The following PDE3A variants were observed in gnomAD, a reference collection of about 807,000 sequenced individuals.
PDE3A encodes the protein phosphodiesterase 3A.
In PDE3A, 43 loss-of-function variants were observed where a neutral mutation model predicts 98.3. The ratio of observed to expected loss-of-function variants is 0.44; its 90% CI spans 0.34 to 0.56. The LOEUF (loss-of-function observed/expected upper bound fraction) is 0.56. PDE3A is among the 20% of genes least tolerant of loss of function. The probability of loss-of-function intolerance (pLI) is 0.01; values close to 1 mark genes in which losing one functional copy is unlikely to be tolerated. For synonymous variants in PDE3A, 663 were observed against 567.9 expected, an observed-to-expected ratio of 1.17 and a Z score of -2.38; for missense variants, 1,427 against 1,440.7, an observed-to-expected ratio of 0.99 and a Z score of 0.15.
chr12:20,417,648 G>A (rs1292778123), intron 1 of PDE3A, among the ~76,000 whole-genome samples: 3 of 152,212 alleles, frequency 2.0e-5, no homozygotes, highest in African/African-American at 7.2e-5. Context: ...GGCAATTAAA[G>A]CCTTGTGATT....
At position 20,687,914 on chromosome 12, in the gene PDE3A, G is replaced by GAAAAAAAA. The variant is rs58496505; in HGVS notation, c.*7659_*7666dup. 2.1e-5 allele frequency among the ~76,000 whole-genome samples: 2 copies of GAAAAAAAA among 94,260 alleles called. No homozygotes were observed. Among genetic ancestry groups the GAAAAAAAA allele is most frequent in the South Asian group, 4.4e-4 (1 of 2,278 alleles). 61.8% of individuals were successfully genotyped at this position (94,260 alleles called of 152,430 possible). A position where few individuals can be genotyped will look rare whatever the true frequency, so the allele number is the denominator to read the frequency against. ...GACCAGTCATTACCTCTTCCCAACAGAAAAAAAAAAAAAAAAAAAAAAACT... is the reference window on the plus strand; with the variant it reads ...GACCAGTCATTACCTCTTCCCAACAGAAAAAAAAAAAAAAAAAAAAAAAAAAAAAAACT... On this transcript the variant is annotated 3_prime_UTR_variant, in exon 16 of 16. Coordinates refer to ENST00000359062, the MANE Select transcript of PDE3A (RefSeq NM_000921.5).
chr12:20,372,286 T>G (rs1167741793), intron 1 of PDE3A, among the ~76,000 whole-genome samples: 1 of 151,992 alleles, frequency 6.6e-6, no homozygotes, highest in Non-Finnish European at 1.5e-5. Flanking sequence ...TTGGTCACTA[T>G]TTTTTTTAAA....
chr12:20,552,380 A>G lies in PDE3A; in HGVS notation c.961-4280A>G. ...TGGCGCTACCTTCTGCGGAGGGACGATGATGAGCCCGGCCCTTGGACGAAG... is the reference window on the plus strand; with the variant it reads ...TGGCGCTACCTTCTGCGGAGGGACGGTGATGAGCCCGGCCCTTGGACGAAG... On this transcript the variant is annotated intron_variant, in intron 1 of 15. Coordinates refer to ENST00000359062, the MANE Select transcript of PDE3A (RefSeq NM_000921.5). The surrounding 1 kb of genome is among the most constrained non-coding windows in gnomAD (Gnocchi z 5.1). 1 of 1,613,588 alleles carries G rather than the reference A, an allele frequency of 6.2e-7. No homozygotes were observed. Among genetic ancestry groups the G allele is most frequent in the Non-Finnish European group, 8.5e-7 (1 of 1,179,854 alleles).
At chr12:20,639,995 T>C (rs773628294) in intron 10 of PDE3A, 38 bp downstream of exon 10, 1 of 962,242 alleles carries the variant, frequency 1.0e-6, no homozygotes, top group South Asian at 1.3e-5. Context: ...ACTTTTAAAA[T>C]ATGTCGAATT....
intron 1 of PDE3A, among the ~76,000 whole-genome samples, chr12:20,509,652 T>C (rs1474722890): frequency 6.6e-6 from 1 of 152,142 alleles, no homozygotes; most frequent in African/African-American, 2.4e-5. Context: ...TGTCTAGCTC[T>C]GAAATTATTG....
At chr12:20,557,000 A>C in intron 2 of PDE3A, 1 of 345,836 alleles carries the variant, frequency 2.9e-6, no homozygotes, top group East Asian at 6.3e-5. Context: ...TCAGCAACCC[A>C]CTCTCTTTAT....
chr12:20,619,430 G>A (rs770607552), intron 4 of PDE3A, among the ~76,000 whole-genome samples: 6 of 151,874 alleles, frequency 4.0e-5, no homozygotes, highest in Non-Finnish European at 4.4e-5. Context: ...TCTTTAAAAA[G>A]CCTACTTAGA....
At chr12:20,394,919 T>A (rs60848438) in intron 1 of PDE3A, among the ~76,000 whole-genome samples, 4,843 of 152,134 alleles carry the variant, frequency 0.032, 198 homozygotes, top group East Asian at 0.13. Flanking sequence ...GAAAGAATTA[T>A]CTGACTCAAA....
intron 1 of PDE3A, chr12:20,450,164 T>C (rs1945039609): frequency 2.8e-6 from 1 of 360,786 alleles, no homozygotes; most frequent in African/African-American, 2.1e-5. Flanking sequence ...CTTTATTTTG[T>C]TGAGCTTGAT....
intron 15 of PDE3A, among the ~76,000 whole-genome samples, chr12:20,661,343 C>A (rs1252817299): frequency 6.6e-6 from 1 of 152,142 alleles, no homozygotes; most frequent in Non-Finnish European, 1.5e-5. Context: ...TCTGGCAATG[C>A]AATAGAAAAG....
At chr12:20,401,464 CT>C (rs1944129321) in intron 1 of PDE3A, among the ~76,000 whole-genome samples, 1 of 152,234 alleles carries the variant, frequency 6.6e-6, no homozygotes, top group South Asian at 2.1e-4. Flanking sequence ...CTGCTACTGC[CT>C]TCATCACATC....
At chr12:20,406,499 G>A (rs1362758047) in intron 1 of PDE3A, among the ~76,000 whole-genome samples, 1 of 152,076 alleles carries the variant, frequency 6.6e-6, no homozygotes. Context: ...ACCTTTTCAT[G>A]TACTTGTTGG....
chr12:20,503,688 A>G (rs1432006428), intron 1 of PDE3A, among the ~76,000 whole-genome samples: 2 of 152,092 alleles, frequency 1.3e-5, no homozygotes, highest in African/African-American at 2.4e-5. Context: ...TTATTATGTC[A>G]TAACTACCTT....
At chr12:20,650,324 A>C in intron 13 of PDE3A, 121 bp from the exon 14 acceptor site, 2 of 512,848 alleles carry the variant, frequency 3.9e-6, no homozygotes, top group Non-Finnish European at 6.7e-6. Flanking sequence ...GAGGTTCCCA[A>C]TTATTTGGTA....
At chr12:20,501,856 A>C (rs1000243333) in intron 1 of PDE3A, among the ~76,000 whole-genome samples, 4 of 152,146 alleles carry the variant, frequency 2.6e-5, no homozygotes, top group African/African-American at 9.7e-5. Context: ...TTAAGCTGTC[A>C]TTATTCCAGT....
At chr12:20,550,375 C>T (rs1364726110) in intron 1 of PDE3A, among the ~76,000 whole-genome samples, 1 of 152,072 alleles carries the variant, frequency 6.6e-6, no homozygotes, top group African/African-American at 2.4e-5. Context: ...ATGAGCTCAT[C>T]TTCCTATTTT....
intron 1 of PDE3A, among the ~76,000 whole-genome samples, chr12:20,503,070 C>T (rs1450280675): frequency 1.3e-5 from 2 of 151,982 alleles, no homozygotes; most frequent in African/African-American, 4.8e-5. Context: ...TTATAGCTGT[C>T]ATTGTCATTA....
At chr12:20,643,170 G>A (rs902477393) in intron 10 of PDE3A, among the ~76,000 whole-genome samples, 2 of 152,172 alleles carry the variant, frequency 1.3e-5, no homozygotes, top group African/African-American at 2.4e-5. Context: ...AGGTGTCATC[G>A]AGAAGGCTAG....
chr12:20,446,740 G>A (rs1294345678), intron 1 of PDE3A, among the ~76,000 whole-genome samples: 2 of 152,136 alleles, frequency 1.3e-5, no homozygotes, highest in African/African-American at 2.4e-5. Context: ...AATAAATGCC[G>A]TGAAGAAAAG....
Sources: allele counts gnomAD v4.1 joint callset (sites outside exome capture counted in the v4.1 genomes callset), GRCh38; gene constraint gnomAD v4.1.1; non-coding constraint Gnocchi (gnomAD v3.1); transcripts MANE v1.5; gene names NCBI Gene and HGNC (gene_info 2026-07-23, HGNC 2026-07-21).